PTPRM: variants seen among roughly 807,000 people sequenced by gnomAD.
PTPRM encodes protein tyrosine phosphatase receptor type M.
Under a neutral mutation model 186.7 loss-of-function variants are expected in PTPRM, and 47 were observed. That is an observed-to-expected ratio of 0.25 (90% CI 0.20 to 0.32). PTPRM has a LOEUF of 0.32. Ranked by LOEUF, PTPRM falls within the 10% of genes least tolerant of loss-of-function variation. The probability of loss-of-function intolerance (pLI) is 1.00; values close to 1 mark genes in which losing one functional copy is unlikely to be tolerated. For missense variants in PTPRM, 1,494 were observed against 1,865.0 expected (o/e 0.80, Z 3.66); for synonymous variants, 668 against 674.9 (o/e 0.99, Z 0.16).
chr18:7,767,298 T>C (rs1239328285), intron 1 of PTPRM, among the ~76,000 whole-genome samples: 1 of 152,250 alleles, frequency 6.6e-6, no homozygotes, highest in Admixed American at 6.5e-5. Context: ...TAAATATTTG[T>C]ATATCTCAGT....
intron 1 of PTPRM, among the ~76,000 whole-genome samples, chr18:7,709,094 C>G (rs1275783996): frequency 6.6e-6 from 1 of 152,072 alleles, no homozygotes; most frequent in Non-Finnish European, 1.5e-5. Flanking sequence ...TCTATTCTGG[C>G]TCTAGGTAGG....
intron 4 of PTPRM, among the ~76,000 whole-genome samples, chr18:7,913,776 A>G (rs368585900): frequency 5.9e-5 from 9 of 152,276 alleles, no homozygotes; most frequent in Admixed American, 4.6e-4. Context: ...AAAATTATAC[A>G]GAATCATGCC....
At chr18:7,630,824 A>G (rs1268417917) in intron 1 of PTPRM, among the ~76,000 whole-genome samples, 1 of 152,190 alleles carries the variant, frequency 6.6e-6, no homozygotes, top group Non-Finnish European at 1.5e-5. Context: ...TTGAGATAAG[A>G]TAAACACAGA....
chr18:8,126,596 C>G (rs2092369928), intron 13 of PTPRM, among the ~76,000 whole-genome samples: 1 of 152,134 alleles, frequency 6.6e-6, no homozygotes, highest in Non-Finnish European at 1.5e-5. Context: ...CCAGTCAGAT[C>G]CCATTTCACA....
At chr18:8,367,997 T>A (rs1332045442) in intron 23 of PTPRM, among the ~76,000 whole-genome samples, 5 of 152,056 alleles carry the variant, frequency 3.3e-5, no homozygotes, top group African/African-American at 9.7e-5. Flanking sequence ...ACGTTGCGGG[T>A]GTGTGTGTTT....
intron 14 of PTPRM, among the ~76,000 whole-genome samples, chr18:8,144,600 A>AAAAC (rs145908818): frequency 1.3e-5 from 2 of 152,096 alleles, no homozygotes; most frequent in African/African-American, 4.8e-5. Context: ...CCTGTCTCCA[A>AAAAC]AAACAAACAA....
chr18:8,262,846 T>C (rs138123352), intron 19 of PTPRM, among the ~76,000 whole-genome samples: 402 of 152,366 alleles, frequency 2.6e-3, no homozygotes, highest in Non-Finnish European at 4.8e-3. Flanking sequence ...TAATTCATAT[T>C]TGATGAATTG....
chr18:8,388,401 C>T (rs2095791507), intron 31 of PTPRM, among the ~76,000 whole-genome samples: 1 of 152,172 alleles, frequency 6.6e-6, no homozygotes, highest in African/African-American at 2.4e-5. Context: ...AGTCAGTGCC[C>T]TTGTCTGATG....
intron 5 of PTPRM, 39 bp downstream of exon 5, chr18:7,926,722 C>T (rs370152634): frequency 6.7e-6 from 10 of 1,484,976 alleles, no homozygotes; most frequent in East Asian, 2.3e-5. Context: ...GAGAGTCCAG[C>T]GGGAAGAATA....
intron 32 of PTPRM, among the ~76,000 whole-genome samples, chr18:8,395,340 A>G (rs141528375): frequency 1.3e-3 from 194 of 152,264 alleles, no homozygotes; most frequent in Non-Finnish European, 2.1e-3. Flanking sequence ...GCCAAAGCCA[A>G]TGTTCCCAGG....
intron 14 of PTPRM, among the ~76,000 whole-genome samples, chr18:8,231,827 A>C (rs985515939): frequency 6.6e-6 from 1 of 152,134 alleles, no homozygotes; most frequent in African/African-American, 2.4e-5. Context: ...GTGAGCAGAA[A>C]ATACGGAGTT....
chr18:7,839,456 TG>T (rs1392145084), intron 2 of PTPRM, among the ~76,000 whole-genome samples: 12 of 152,318 alleles, frequency 7.9e-5, no homozygotes, highest in African/African-American at 2.9e-4. Flanking sequence ...GGTTCCCTTC[TG>T]GCCCAGGGTG....
intron 19 of PTPRM, among the ~76,000 whole-genome samples, chr18:8,290,198 A>G (rs1426458165): frequency 1.3e-5 from 2 of 152,208 alleles, no homozygotes; most frequent in African/African-American, 4.8e-5. Context: ...TGCCCCAGTG[A>G]GTTCATCTTC....
chr18:8,328,268 C>G (rs1269605774), intron 22 of PTPRM, among the ~76,000 whole-genome samples: 4 of 152,224 alleles, frequency 2.6e-5, no homozygotes, highest in African/African-American at 9.6e-5. Flanking sequence ...GTGGAGGGTT[C>G]TCAGAGCGTC....
chr18:7,871,402 C>T (rs2047977462), intron 2 of PTPRM, among the ~76,000 whole-genome samples: 1 of 152,166 alleles, frequency 6.6e-6, no homozygotes, highest in South Asian at 2.1e-4. Context: ...TTCTGCGGTG[C>T]CATTCTGTCA....
At position 7,955,729 on chromosome 18, in the gene PTPRM, C is replaced by T. The variant is rs144571513; in HGVS notation, c.1132+315C>T. On this transcript the variant is annotated intron_variant, in intron 7 of 32. Coordinates refer to ENST00000580170, the MANE Select transcript of PTPRM (RefSeq NM_001105244.2). ...AGAAACTGTCTACTCTAATGATGTC[C>T]TCTAATAGGTCAGACTCTCTTACTT... 2.3e-3 allele frequency among the ~76,000 whole-genome samples: 347 copies of T among 152,214 alleles called. 2 individuals carry two copies. Among genetic ancestry groups the T allele is most frequent in the Non-Finnish European group, 4.1e-3 (277 of 68,008 alleles).
chr18:7,724,842 T>C (rs2144885800), intron 1 of PTPRM, among the ~76,000 whole-genome samples: 1 of 152,334 alleles, frequency 6.6e-6, no homozygotes, highest in South Asian at 2.1e-4. Context: ...AACTAATTAC[T>C]CTTATAGTAG....
At chr18:7,740,581 G>T (rs147494807) in intron 1 of PTPRM, among the ~76,000 whole-genome samples, 1 of 152,074 alleles carries the variant, frequency 6.6e-6, no homozygotes, top group Admixed American at 6.6e-5. Context: ...GCCGCTCCTG[G>T]CTAATTTTTA....
intron 1 of PTPRM, among the ~76,000 whole-genome samples, chr18:7,609,952 C>T (rs1036146710): frequency 3.9e-5 from 6 of 152,042 alleles, no homozygotes; most frequent in African/African-American, 1.4e-4. Context: ...TGGGAACGTC[C>T]TAAACAAATG....
Sources: gnomAD v4.1 joint callset for allele counts (sites outside exome capture counted in the v4.1 genomes callset) on GRCh38, gnomAD v4.1.1 for gene constraint, MANE v1.5 for transcripts, NCBI Gene and HGNC (gene_info 2026-07-23, HGNC 2026-07-21) for gene names.